The following MYCBP2 variants were observed in gnomAD, a reference collection of about 807,000 sequenced individuals.
MYCBP2 encodes MYC binding protein 2.
A neutral mutation model predicts 525.3 loss-of-function variants in MYCBP2; 120 were observed. The observed-to-expected ratio is 0.23, with a 90% CI of 0.20 to 0.27. MYCBP2 has a LOEUF of 0.27. MYCBP2 is among the 10% of genes least tolerant of loss of function. The pLI, the probability that MYCBP2 is intolerant of heterozygous loss-of-function variation, is 1.00. For missense variants in MYCBP2, 4,149 were observed against 5,657.1 expected (o/e 0.73, Z 8.55); for synonymous variants, 1,894 against 1,955.8 (o/e 0.97, Z 0.83).
At chr13:77,204,205 AAAAC>A (rs1477326886) in intron 26 of MYCBP2, among the ~76,000 whole-genome samples, 11 of 152,238 alleles carry the variant, frequency 7.2e-5, no homozygotes, top group Admixed American at 3.9e-4. Flanking sequence ...TACAAGAAAA[AAAAC>A]AAACAACCCC....
In MYCBP2 at chr13:77,154,851, T is replaced by C. The variant is rs570824589; in HGVS notation, c.6915+1207A>G. Among the ~76,000 whole-genome samples, 9 of 152,172 alleles carry C rather than the reference T, an allele frequency of 5.9e-5. No individual in the cohort carries two copies. In the South Asian group the frequency reaches 1.4e-3, roughly 25 times the overall value. On this transcript the variant is annotated intron_variant, in intron 46 of 82. Transcript: ENST00000544440. ...CTTATAATTTGTGATGCTTTTTGCA[T>C]TGTATAGAATAATTCCAAGTAGGCA... is the stretch of plus-strand genomic sequence containing the variant.
intron 55 of MYCBP2, among the ~76,000 whole-genome samples, chr13:77,108,460 C>T (rs2048209239): frequency 6.6e-6 from 1 of 152,080 alleles, no homozygotes; most frequent in Non-Finnish European, 1.5e-5. Flanking sequence ...TAACTTGAGA[C>T]ACAAGAAGGT....
At chr13:77,105,311 T>C (rs578078074) in intron 55 of MYCBP2, among the ~76,000 whole-genome samples, 8 of 152,192 alleles carry the variant, frequency 5.3e-5, no homozygotes, top group African/African-American at 1.9e-4. Context: ...GGAAAAAAGT[T>C]TGAAGGCAAA....
At position 77,126,414 on chromosome 13, in the gene MYCBP2, C is replaced by T. The variant is rs1349709114; in HGVS notation, c.7788G>A (p.Thr2596=). Residue 2596 remains threonine, a synonymous_variant, in exon 53 of 83, where the codon ACG becomes ACA. Transcript: ENST00000544440. ...GGPGMYKVVK[T]GPSGHNIRSC... is the part of the protein sequence containing the mutation. Reference sequence around the variant, plus strand: ...TTCTGATGTTGTGACCTGAAGGTCCCGTCTTCACTACCTTGTACATGCCTG... The same window carrying T: ...TTCTGATGTTGTGACCTGAAGGTCCTGTCTTCACTACCTTGTACATGCCTG... The T allele has an allele frequency of 6.2e-6, 10 of 1,613,762 alleles. No homozygotes were observed. Among genetic ancestry groups the T allele is most frequent in the Admixed American group, 5.0e-5 (3 of 59,982 alleles).
intron 21 of MYCBP2, among the ~76,000 whole-genome samples, chr13:77,214,406 G>A (rs2064490744): frequency 6.6e-6 from 1 of 151,678 alleles, no homozygotes; most frequent in African/African-American, 2.4e-5. Flanking sequence ...GAAACTGAAT[G>A]AATAAACTAT....
At chr13:77,135,296 T>G (rs1010980242) in intron 52 of MYCBP2, among the ~76,000 whole-genome samples, 1 of 152,222 alleles carries the variant, frequency 6.6e-6, no homozygotes, top group Non-Finnish European at 1.5e-5. Flanking sequence ...TAAAGTTCAT[T>G]TACTTTAAAC....
In MYCBP2 at chr13:77,058,674, A is replaced by T. The variant is rs1042884615; in HGVS notation, c.13141-268T>A. Among the ~76,000 whole-genome samples, 72 of 152,164 alleles carry T rather than the reference A, an allele frequency of 4.7e-4. No individual in the cohort carries two copies. Among genetic ancestry groups the T allele is most frequent in the African/African-American group, 1.5e-3 (64 of 41,504 alleles). On this transcript the variant is annotated intron_variant, in intron 77 of 82. Transcript: ENST00000544440. This position sits in a 1 kb window ranked among gnomAD's most constrained non-coding sequence, Gnocchi z 4.1. ...AGTGAATTATAATTTCATATTTGTC[A>T]TCATGCACAGCTATAAAGCAAAAAG... is the stretch of plus-strand genomic sequence containing the variant.
intron 33 of MYCBP2, among the ~76,000 whole-genome samples, chr13:77,181,457 A>C (rs926650643): frequency 2.0e-5 from 3 of 152,168 alleles, no homozygotes; most frequent in Non-Finnish European, 4.4e-5. Context: ...ATTTTTTTAA[A>C]GGTGTGTGAT....
intron 23 of MYCBP2, among the ~76,000 whole-genome samples, chr13:77,210,489 G>GC (rs1223415089): frequency 2.6e-5 from 4 of 152,084 alleles, no homozygotes; most frequent in African/African-American, 9.7e-5. Context: ...ACCGCACCCG[G>GC]CCCAGCACCA....
intron 26 of MYCBP2, 36 bp from the exon 27 acceptor site, chr13:77,194,280 C>G (rs745905636): frequency 5.6e-6 from 8 of 1,438,972 alleles, no homozygotes; most frequent in Non-Finnish European, 7.8e-6. Flanking sequence ...TTATATAAAT[C>G]AGCTATACAT....
intron 52 of MYCBP2, among the ~76,000 whole-genome samples, chr13:77,134,532 AAAACAAAC>A (rs897355868): frequency 6.6e-6 from 1 of 151,998 alleles, no homozygotes; most frequent in African/African-American, 2.4e-5. Flanking sequence ...AGGTGCTGTA[AAAACAAAC>A]AAACAAACAA....
At position 77,061,307 on chromosome 13, in the gene MYCBP2, A is replaced by G. The variant is rs1242453298; in HGVS notation, c.12904-6T>C. 2 of 1,593,738 alleles carry G rather than the reference A, an allele frequency of 1.3e-6. No individual in the cohort carries two copies. Among genetic ancestry groups the G allele is most frequent in the Non-Finnish European group, 1.7e-6 (2 of 1,172,970 alleles). On this transcript the variant is annotated splice_region_variant and splice_polypyrimidine_tract_variant and intron_variant, in intron 75 of 82. Coordinates refer to ENST00000544440, the MANE Select transcript of MYCBP2 (RefSeq NM_015057.5). ...TCTTCTTCTTCTTTGAAGACCTATTATTTCATTAAAGAACAGGGAAAAATA... is the reference window on the plus strand; with the variant it reads ...TCTTCTTCTTCTTTGAAGACCTATTGTTTCATTAAAGAACAGGGAAAAATA...
intron 74 of MYCBP2, 23 bp from the exon 75 acceptor site, chr13:77,061,813 T>C (rs1328321912): frequency 1.9e-6 from 3 of 1,547,378 alleles, no homozygotes; most frequent in Non-Finnish European, 2.6e-6. Flanking sequence ...ATTTCCACGT[T>C]ACTTAGATTA....
chr13:77,237,475 A>G (rs935094543), intron 17 of MYCBP2, among the ~76,000 whole-genome samples: 3 of 152,182 alleles, frequency 2.0e-5, no homozygotes, highest in Non-Finnish European at 4.4e-5. Flanking sequence ...AAATATATGT[A>G]TTATAACACT....
At chr13:77,181,627 T>C in intron 33 of MYCBP2, 74 bp downstream of exon 33, 3 of 1,211,520 alleles carry the variant, frequency 2.5e-6, no homozygotes, top group South Asian at 1.3e-5. Flanking sequence ...ATTGCCTCTG[T>C]ATAAAAGAGG....
At chr13:77,153,866 C>T (rs930874548) in intron 46 of MYCBP2, among the ~76,000 whole-genome samples, 2 of 152,082 alleles carry the variant, frequency 1.3e-5, no homozygotes, top group African/African-American at 4.8e-5. Flanking sequence ...ACTGATGGTA[C>T]TGAACCAAAA....
intron 18 of MYCBP2, among the ~76,000 whole-genome samples, chr13:77,230,180 C>T (rs1352791003): frequency 2.0e-5 from 3 of 152,142 alleles, no homozygotes; most frequent in Non-Finnish European, 2.9e-5. Flanking sequence ...CCCAGAAGTT[C>T]TCCAACTTTC....
At chr13:77,152,225 G>A (rs1012165009) in intron 46 of MYCBP2, among the ~76,000 whole-genome samples, 1 of 152,206 alleles carries the variant, frequency 6.6e-6, no homozygotes, top group Non-Finnish European at 1.5e-5. Flanking sequence ...ATCTTCAGGT[G>A]AGGTTACAAG....
intron 18 of MYCBP2, among the ~76,000 whole-genome samples, chr13:77,227,195 A>T (rs556542899): frequency 1.1e-4 from 16 of 152,178 alleles, no homozygotes; most frequent in African/African-American, 3.4e-4. Context: ...TGAATTTTTT[A>T]CTCAAAAAAG....
Sources: gnomAD v4.1 joint callset for allele counts (sites outside exome capture counted in the v4.1 genomes callset) on GRCh38, gnomAD v4.1.1 for gene constraint, Gnocchi (gnomAD v3.1) non-coding constraint, MANE v1.5 for transcripts, NCBI Gene and HGNC (gene_info 2026-07-23, HGNC 2026-07-21) for gene names.